Variants in RELN observed in about 807,000 individuals in gnomAD.
RELN encodes reelin.
A neutral mutation model predicts 427.6 loss-of-function variants in RELN; 108 were observed. The ratio of observed to expected loss-of-function variants is 0.25; its 90% confidence interval spans 0.22 to 0.30. The LOEUF is 0.30. Ranked by LOEUF, RELN falls within the 10% of genes least tolerant of loss-of-function variation. The pLI is 1.00. For synonymous variants in RELN, 1,524 were observed against 1,513.4 expected, an observed-to-expected ratio of 1.01 and a Z score of -0.16; for missense variants, 3,715 against 4,302.8, an observed-to-expected ratio of 0.86 and a Z score of 3.82.
In RELN at chr7:103,542,760, C is replaced by T; in HGVS notation, c.6642G>A (p.Met2214Ile). The change falls in exon 43 of 65, where the codon ATG becomes ATA. Residue 2214 changes from methionine (M) to isoleucine (I), a missense_variant. Around this residue, in one of 4 missense-constraint regions of RELN, gnomAD observed 1,310 missense variants for 1,643.0 expected, o/e 0.80. Coordinates refer to ENST00000428762, the MANE Select transcript of RELN (RefSeq NM_005045.4). ...CATGTGATAAATCCAGGTCTCGTGT[C>T]ATCAACATGCGCAAGCCATCTTCAT... is the stretch of plus-strand genomic sequence containing the variant. ...FFNEDGLRML[M>I]TRDLDLSHAR... The T allele has an allele frequency of 6.2e-7, 1 of 1,614,038 alleles. No homozygotes were observed. The highest frequency in any genetic ancestry group is 8.5e-7 in the Non-Finnish European group (1 of 1,179,984).
At chr7:103,699,684 G>A (rs1199471887) in intron 9 of RELN, among the ~76,000 whole-genome samples, 1 of 151,976 alleles carries the variant, frequency 6.6e-6, no homozygotes. Flanking sequence ...TGGAGACATA[G>A]GTAAATTTTT....
intron 1 of RELN, among the ~76,000 whole-genome samples, chr7:103,983,126 TTTTTA>T (rs1209835155): frequency 6.6e-6 from 1 of 152,218 alleles, no homozygotes; most frequent in Non-Finnish European, 1.5e-5. Flanking sequence ...TTAGCTTTGT[TTTTTA>T]TTTTGAGTGA....
chr7:103,680,721 C>T (rs896420991), intron 11 of RELN, among the ~76,000 whole-genome samples: 1 of 151,822 alleles, frequency 6.6e-6, no homozygotes, highest in Non-Finnish European at 1.5e-5. Context: ...CCAGCCTGAC[C>T]CTGGGGAGGT....
chr7:103,582,628 G>T (rs971118131), intron 28 of RELN, among the ~76,000 whole-genome samples: 2 of 152,160 alleles, frequency 1.3e-5, no homozygotes, highest in Non-Finnish European at 2.9e-5. Flanking sequence ...ACCAAAGGCT[G>T]TAGTGTAATT....
intron 1 of RELN, among the ~76,000 whole-genome samples, chr7:103,971,684 T>C (rs1796767067): frequency 6.6e-6 from 1 of 152,248 alleles, no homozygotes; most frequent in Non-Finnish European, 1.5e-5. Flanking sequence ...ACAGCTGTAG[T>C]GTTATTAATA....
intron 63 of RELN, among the ~76,000 whole-genome samples, chr7:103,481,764 A>G (rs1828247124): frequency 6.6e-6 from 1 of 152,168 alleles, no homozygotes; most frequent in Non-Finnish European, 1.5e-5. Context: ...CACCCAGGTT[A>G]TTTTATTCTG....
intron 55 of RELN, among the ~76,000 whole-genome samples, chr7:103,497,571 G>A (rs537933553): frequency 7.2e-5 from 11 of 152,296 alleles, no homozygotes; most frequent in Admixed American, 2.0e-4. Context: ...TCAGTAAAGC[G>A]TAGAGGTTGT....
At chr7:103,517,122 C>T (rs2711842) in intron 49 of RELN, among the ~76,000 whole-genome samples, 6,197 of 151,668 alleles carry the variant, frequency 0.041, 427 homozygotes, top group African/African-American at 0.14. Context: ...GAGTCTTTTC[C>T]GAAGTCTATT....
At chr7:103,676,644 T>C (rs1055460861) in intron 11 of RELN, among the ~76,000 whole-genome samples, 1 of 152,220 alleles carries the variant, frequency 6.6e-6, no homozygotes, top group Non-Finnish European at 1.5e-5. Context: ...CCAACCCAAA[T>C]GTCCACAATG....
intron 1 of RELN, among the ~76,000 whole-genome samples, chr7:103,962,183 G>A (rs575504660): frequency 2.0e-5 from 3 of 152,048 alleles, no homozygotes; most frequent in East Asian, 3.9e-4. Flanking sequence ...CCTGTTCCCC[G>A]TGCTGAACTC....
At chr7:103,586,216 A>G (rs1831266826) in intron 28 of RELN, among the ~76,000 whole-genome samples, 1 of 152,000 alleles carries the variant, frequency 6.6e-6, no homozygotes, top group South Asian at 2.1e-4. Flanking sequence ...TACAAAAATT[A>G]GCCGGGCATG....
At chr7:103,801,489 TA>T (rs971710218) in intron 3 of RELN, among the ~76,000 whole-genome samples, 4 of 147,142 alleles carry the variant, frequency 2.7e-5, no homozygotes, top group Non-Finnish European at 5.9e-5. Context: ...GACAGAAAAC[TA>T]AACACTGCAT....
intron 1 of RELN, among the ~76,000 whole-genome samples, chr7:103,928,604 T>C (rs977973476): frequency 4.6e-5 from 7 of 152,210 alleles, no homozygotes; most frequent in African/African-American, 1.7e-4. Flanking sequence ...TGAATTGAAT[T>C]GAGGCTACAT....
In RELN at chr7:103,749,507, A is replaced by G. The variant is rs607755; in HGVS notation, c.578-3T>C. On this transcript the variant is annotated splice_polypyrimidine_tract_variant and splice_region_variant and intron_variant, in intron 5 of 64. Coordinates refer to ENST00000428762, the MANE Select transcript of RELN (RefSeq NM_005045.4). ...AATGCTGTCACTATGTATTTCAGCTAAAAGAAAAAGGAAGTATTTAGGAAA... is the reference window on the plus strand; with the variant it reads ...AATGCTGTCACTATGTATTTCAGCTGAAAGAAAAAGGAAGTATTTAGGAAA... 0.53 allele frequency: 854,005 copies of G among 1,601,616 alleles called. 230,696 individuals are homozygous for G. Among genetic ancestry groups the G allele is most frequent in the Non-Finnish European group, 0.56 (651,273 of 1,168,978 alleles).
chr7:103,772,879 T>G (rs893484842), intron 4 of RELN, among the ~76,000 whole-genome samples: 1 of 152,152 alleles, frequency 6.6e-6, no homozygotes, highest in East Asian at 1.9e-4. Flanking sequence ...AGACAAACTA[T>G]TGCTTCCAAT....
At chr7:103,668,943 G>A (rs557069316) in intron 11 of RELN, among the ~76,000 whole-genome samples, 3 of 152,094 alleles carry the variant, frequency 2.0e-5, no homozygotes, top group Non-Finnish European at 4.4e-5. Context: ...AATTTTCATG[G>A]ACTAAAAGAA....
chr7:103,887,318 G>T (rs1563071945), intron 2 of RELN, among the ~76,000 whole-genome samples: 1 of 152,274 alleles, frequency 6.6e-6, no homozygotes, highest in East Asian at 1.9e-4. Context: ...ATGGGCCTCA[G>T]GAGGGTCTCG....
chr7:103,661,551 G>A (rs749206696), intron 11 of RELN, 24 bp from the exon 12 acceptor site: 1 of 1,609,506 alleles, frequency 6.2e-7, no homozygotes, highest in South Asian at 1.1e-5. Flanking sequence ...GGGATTAAGA[G>A]TTAGAGTTAG....
intron 28 of RELN, among the ~76,000 whole-genome samples, chr7:103,588,772 A>T (rs1831339104): frequency 1.3e-5 from 2 of 152,206 alleles, no homozygotes; most frequent in Admixed American, 1.3e-4. Flanking sequence ...TGAAGATCAT[A>T]GAAATGAAAA....
Sources: allele counts gnomAD v4.1 joint callset (sites outside exome capture counted in the v4.1 genomes callset), GRCh38; gene constraint gnomAD v4.1.1; regional missense constraint gnomAD v4.1.1; transcripts MANE v1.5; gene names NCBI Gene and HGNC (gene_info 2026-07-23, HGNC 2026-07-21).